The following TEX14 variants were observed in gnomAD, a reference collection of about 807,000 sequenced individuals.
TEX14 encodes testis expressed 14, intercellular bridge forming factor, also known as inactive serine/threonine-protein kinase TEX14.
Under a neutral mutation model 178.6 loss-of-function variants are expected in TEX14, and 168 were observed. That is an observed-to-expected ratio of 0.94 (90% CI 0.83 to 1.07). The LOEUF (loss-of-function observed/expected upper bound fraction) is 1.07. Among genes scored for constraint, TEX14 ranks in the 50% least tolerant of loss-of-function variants. The probability of loss-of-function intolerance (pLI) is 0.00; values close to 1 mark genes in which losing one functional copy is unlikely to be tolerated. For missense variants in TEX14, 1,730 were observed against 1,753.6 expected, an observed-to-expected ratio of 0.99 and a Z score of 0.24; for synonymous variants, 626 against 634.1, an observed-to-expected ratio of 0.99 and a Z score of 0.19.
intron 2 of TEX14, among the ~76,000 whole-genome samples, chr17:58,637,792 A>G (rs1386936982): frequency 6.6e-6 from 1 of 151,254 alleles, no homozygotes; most frequent in Non-Finnish European, 1.5e-5. Flanking sequence ...AAATCTGGGG[A>G]GTGGGTTGTG....
intron 5 of TEX14, among the ~76,000 whole-genome samples, chr17:58,618,664 G>A (rs539567802): frequency 4.1e-4 from 63 of 152,310 alleles, no homozygotes; most frequent in Non-Finnish European, 5.1e-4. Flanking sequence ...GCTGGGAGAC[G>A]GTGCATACTC....
At chr17:58,604,473 AAAAAATAAAAAAT>A (rs1435278334) in intron 11 of TEX14, among the ~76,000 whole-genome samples, 2 of 151,374 alleles carry the variant, frequency 1.3e-5, no homozygotes, top group Non-Finnish European at 2.9e-5. Flanking sequence ...TCTGTCTCAA[AAAAAATAAAAAAT>A]AAAAATAAAA....
chr17:58,642,234 G>C (rs568987371), intron 2 of TEX14, among the ~76,000 whole-genome samples: 25 of 152,318 alleles, frequency 1.6e-4, no homozygotes, highest in Admixed American at 4.6e-4. Context: ...CTACCAGGAA[G>C]CACAGGGTCA....
chr17:58,629,918 CT>C (rs1196670899), intron 3 of TEX14, among the ~76,000 whole-genome samples: 1,515 of 116,682 alleles, frequency 0.013, 14 homozygotes, highest in South Asian at 0.033. Flanking sequence ...TTTTTTTTTC[CT>C]TTTTTTTTTT....
intron 1 of TEX14, among the ~76,000 whole-genome samples, chr17:58,672,350 G>A (rs1461329264): frequency 6.6e-6 from 1 of 152,034 alleles, no homozygotes; most frequent in Non-Finnish European, 1.5e-5. Flanking sequence ...AGCACTGCTG[G>A]AGAAAAAAAG....
intron 2 of TEX14, among the ~76,000 whole-genome samples, chr17:58,636,874 C>T (rs185180772): frequency 1.2e-3 from 185 of 151,264 alleles, no homozygotes; most frequent in African/African-American, 4.2e-3. Flanking sequence ...GATCGCGCCA[C>T]TACACTCCAG....
At chr17:58,689,218 C>T (rs1598442823) in intron 1 of TEX14, among the ~76,000 whole-genome samples, 1 of 150,678 alleles carries the variant, frequency 6.6e-6, no homozygotes, top group Non-Finnish European at 1.5e-5. Context: ...TGAGACATCA[C>T]GCTCAGCTAA....
rs1006463304 is a variant in TEX14 at position 58,587,594 on chromosome 17, G to A, written c.2775C>T (p.His925=). Residue 925 remains histidine, a synonymous_variant, in exon 17 of 32, where the codon CAC becomes CAT. Transcript: ENST00000349033. ...ESRNKDDGKV[H]LKWKMEVKEM... is the part of the protein sequence containing the mutation. ...CTTTATACTCACTTTTCCATTTTAA[G>A]TGTACCTTTCCATCATCTTTATTTC... The A allele has an allele frequency of 1.9e-6, 3 of 1,587,614 alleles. No individual in the cohort carries two copies. The highest frequency in any genetic ancestry group is 1.1e-5 in the South Asian group (1 of 88,506).
At chr17:58,620,499 A>AT (rs201218045) in intron 5 of TEX14, among the ~76,000 whole-genome samples, 9,254 of 143,842 alleles carry the variant, frequency 0.064, 420 homozygotes, top group African/African-American at 0.14. Context: ...CTCGGCTAAT[A>AT]TTTTTTTTTT....
chr17:58,676,857 G>A (rs924315678), intron 1 of TEX14, among the ~76,000 whole-genome samples: 6 of 152,020 alleles, frequency 3.9e-5, no homozygotes, highest in African/African-American at 1.4e-4. Flanking sequence ...CTGACCAGGT[G>A]GGGTGGCTCA....
intron 10 of TEX14, among the ~76,000 whole-genome samples, chr17:58,609,123 T>G (rs923871259): frequency 3.9e-5 from 6 of 152,330 alleles, no homozygotes; most frequent in African/African-American, 1.4e-4. Context: ...CCTGCTTTTT[T>G]TCTTGAGACA....
At chr17:58,637,661 G>A (rs973109255) in intron 2 of TEX14, among the ~76,000 whole-genome samples, 2 of 152,144 alleles carry the variant, frequency 1.3e-5, no homozygotes, top group Admixed American at 1.3e-4. Context: ...CACATGCCTT[G>A]CCCTAGACAT....
intron 28 of TEX14, 139 bp downstream of exon 28, chr17:58,564,730 C>T: frequency 4.3e-6 from 2 of 464,958 alleles, no homozygotes; most frequent in Non-Finnish European, 7.5e-6. Context: ...AAAAGTAACC[C>T]TTTAGGAATA....
chr17:58,627,077 T>C (rs1417061800), intron 3 of TEX14, among the ~76,000 whole-genome samples: 2 of 152,192 alleles, frequency 1.3e-5, no homozygotes, highest in African/African-American at 4.8e-5. Flanking sequence ...ACTTCCTTCC[T>C]GGCATTGCCT....
chr17:58,641,564 G>C (rs934616807), intron 2 of TEX14, among the ~76,000 whole-genome samples: 2 of 151,050 alleles, frequency 1.3e-5, no homozygotes, highest in Non-Finnish European at 2.9e-5. Flanking sequence ...GCAGCAGCTT[G>C]ATCTCTGCTT....
intron 1 of TEX14, among the ~76,000 whole-genome samples, chr17:58,681,392 C>T (rs762904132): frequency 1.3e-5 from 2 of 152,178 alleles, no homozygotes; most frequent in African/African-American, 2.4e-5. Flanking sequence ...TGCAACCAGA[C>T]ACTTGTTCTC....
chr17:58,674,630 C>T (rs1555585431), intron 1 of TEX14, among the ~76,000 whole-genome samples: 2 of 148,836 alleles, frequency 1.3e-5, no homozygotes, highest in Non-Finnish European at 3.0e-5. Flanking sequence ...AGATCCTGCC[C>T]CTGCACTCCA....
intron 1 of TEX14, among the ~76,000 whole-genome samples, chr17:58,676,790 A>G (rs2047402080): frequency 1.3e-5 from 2 of 152,152 alleles, no homozygotes; most frequent in African/African-American, 4.8e-5. Context: ...GTTCGAGACC[A>G]GCCTGGGCAA....
At chr17:58,573,772 G>C (rs1052719956) in intron 22 of TEX14, among the ~76,000 whole-genome samples, 1 of 152,106 alleles carries the variant, frequency 6.6e-6, no homozygotes, top group Non-Finnish European at 1.5e-5. Context: ...GCCCACCTCA[G>C]CCTCCCAAAG....
Sources: allele counts gnomAD v4.1 joint callset (sites outside exome capture counted in the v4.1 genomes callset), GRCh38; gene constraint gnomAD v4.1.1; transcripts MANE v1.5; gene names NCBI Gene and HGNC (gene_info 2026-07-23, HGNC 2026-07-21).